The following FBLN5 variants were observed in gnomAD, a reference collection of about 807,000 sequenced individuals.
FBLN5 encodes fibulin 5.
FBLN5 carries 24 observed loss-of-function variants against 61.6 expected under a neutral mutation model. That is an observed-to-expected ratio of 0.39 (90% CI 0.28 to 0.55). FBLN5 has a LOEUF of 0.55. Ranked by LOEUF, FBLN5 falls within the 20% of genes least tolerant of loss-of-function variation. The probability of loss-of-function intolerance (pLI) is 0.65; values close to 1 mark genes in which losing one functional copy is unlikely to be tolerated. For missense variants in FBLN5, 470 were observed against 594.1 expected, an observed-to-expected ratio of 0.79 and a Z score of 2.17; for synonymous variants, 213 against 219.8, an observed-to-expected ratio of 0.97 and a Z score of 0.27.
rs1446228226 is a variant in FBLN5 at position 91,919,267 on chromosome 14, G to A, written c.379+17680C>T. On this transcript the variant is annotated intron_variant, in intron 4 of 10. Coordinates refer to ENST00000342058, the MANE Select transcript of FBLN5 (RefSeq NM_006329.4). ...AATGATGTGAACTTGGGAGGTAGAG[G>A]TTGCAGTCAGCCGAGATCACACCAC... Among the ~76,000 whole-genome samples, 2 of 148,820 alleles carry A rather than the reference G, an allele frequency of 1.3e-5. 1 individual carries two copies. Among genetic ancestry groups the A allele is most frequent in the East Asian group, 4.0e-4 (2 of 5,048 alleles).
Position 91,925,753 on chromosome 14 carries a change from C to T in FBLN5, c.379+11194G>A, listed in dbSNP as rs553218400. On this transcript the variant is annotated intron_variant, in intron 4 of 10. Coordinates refer to ENST00000342058, the MANE Select transcript of FBLN5 (RefSeq NM_006329.4). ...TCACAGGCATCTTTTTCCATTAGCC[C>T]GTCAGTGCTTCTGTACATTAGATTG... Among the ~76,000 whole-genome samples the T allele has an allele frequency of 1.1e-4, 17 of 152,332 alleles. No individual in the cohort carries two copies. The East Asian group carries it at 2.7e-3, about 24-fold the overall frequency.
In FBLN5 at chr14:91,887,187, C is replaced by T. The variant is rs750115548; in HGVS notation, c.739+6G>A. ...GGTGGAAGTTTCCAATGCGAAAGCCCATTACCACTGCAATGAACGCCATCT... is the reference window on the plus strand; with the variant it reads ...GGTGGAAGTTTCCAATGCGAAAGCCTATTACCACTGCAATGAACGCCATCT... On this transcript the variant is annotated splice_donor_region_variant and intron_variant, in intron 7 of 10. Coordinates refer to ENST00000342058, the MANE Select transcript of FBLN5 (RefSeq NM_006329.4). The T allele has an allele frequency of 3.7e-6, 6 of 1,613,914 alleles. No individual in the cohort carries two copies. The highest frequency in any genetic ancestry group is 5.1e-6 in the Non-Finnish European group (6 of 1,179,912).
At chr14:91,885,984 T>C (rs1889708562) in intron 7 of FBLN5, among the ~76,000 whole-genome samples, 1 of 152,234 alleles carries the variant, frequency 6.6e-6, no homozygotes, top group Non-Finnish European at 1.5e-5. Flanking sequence ...TTCCTGCTTG[T>C]GGCTCTGACT....
rs759434738 is a variant in FBLN5 at position 91,937,165 on chromosome 14, C to T, written c.161G>A (p.Arg54Gln). 6.8e-6 allele frequency: 11 copies of T among 1,614,068 alleles called. No homozygotes were observed. The South Asian group carries it at 7.7e-5, about 11-fold the overall frequency. The change falls in exon 4 of 11, where the codon CGA becomes CAA. Residue 54 changes from arginine to glutamine, a missense_variant. By Grantham distance (43) the Arg-to-Gln change is conservative. Transcript: ENST00000342058. Reference protein sequence around the residue: ...DECRTIPEACRGDMMCVNQNG... With the variant: ...DECRTIPEACQGDMMCVNQNG... ...TTGGTTAACACACATCATGTCTCCT[C>T]GGCAGGCCTCGGGGATGGTTCGGCA... is the stretch of plus-strand genomic sequence containing the variant.
chr14:91,894,849 AGCTTACT>A, intron 5 of FBLN5, 94 bp downstream of exon 5: 1 of 1,027,422 alleles, frequency 9.7e-7, no homozygotes, highest in East Asian at 3.7e-5. Context: ...AGCAAAGAAA[AGCTTACT>A]ACCCTCAGGC....
Position 91,937,289 on chromosome 14 carries a change from G to A in FBLN5, c.125-88C>T, listed in dbSNP as rs369796145. On this transcript the variant is annotated intron_variant, in intron 3 of 10. Transcript: ENST00000342058. Reference sequence around the variant, plus strand: ...TTAAGCAGAACTCGGTACCAGGCGTGGAGGAAGCACTCCCAAACACCTAGG... The same window carrying A: ...TTAAGCAGAACTCGGTACCAGGCGTAGAGGAAGCACTCCCAAACACCTAGG... The A allele has an allele frequency of 1.4e-4, 221 of 1,558,886 alleles. 1 individual carries two copies. The African/African-American group carries it at 2.7e-3, about 19-fold the overall frequency.
chr14:91,877,959 A>G (rs1020228298), intron 9 of FBLN5: 3 of 544,350 alleles, frequency 5.5e-6, no homozygotes, highest in African/African-American at 3.8e-5. Flanking sequence ...ACATTAGAAC[A>G]TTCTCCAAGA....
chr14:91,883,890 T>C (rs2430350), intron 7 of FBLN5, among the ~76,000 whole-genome samples: 102,580 of 152,066 alleles, frequency 0.67, 35,022 homozygotes, highest in Admixed American at 0.78. Context: ...TTGATGCAGA[T>C]GCAGAAGCAG....
At chr14:91,923,454 T>C (rs2055774754) in intron 4 of FBLN5, among the ~76,000 whole-genome samples, 1 of 152,186 alleles carries the variant, frequency 6.6e-6, no homozygotes. Flanking sequence ...GTCATAAGTG[T>C]GCAGGTGACC....
chr14:91,875,029 T>C (rs1046639282), intron 10 of FBLN5, among the ~76,000 whole-genome samples: 2 of 152,048 alleles, frequency 1.3e-5, no homozygotes, highest in African/African-American at 4.8e-5. Flanking sequence ...AGGGTCTCAC[T>C]ATGTTGCCCA....
At chr14:91,904,082 T>C (rs1481422052) in intron 4 of FBLN5, among the ~76,000 whole-genome samples, 1 of 152,196 alleles carries the variant, frequency 6.6e-6, no homozygotes, top group Non-Finnish European at 1.5e-5. Flanking sequence ...TCTAGTTTTA[T>C]AGCAGTTCAC....
chr14:91,911,036 T>C (rs1446179560), intron 4 of FBLN5, among the ~76,000 whole-genome samples: 2 of 151,610 alleles, frequency 1.3e-5, no homozygotes, highest in African/African-American at 2.4e-5. Flanking sequence ...CAGGCTGGAG[T>C]GCAGCGGCAC....
At chr14:91,871,811 C>T (rs1039309927) in intron 10 of FBLN5, among the ~76,000 whole-genome samples, 3 of 151,202 alleles carry the variant, frequency 2.0e-5, no homozygotes, top group African/African-American at 4.9e-5. Flanking sequence ...GAATAGAGAT[C>T]GCACCACTAT....
intron 10 of FBLN5, among the ~76,000 whole-genome samples, chr14:91,875,990 C>G (rs555258363): frequency 6.6e-6 from 1 of 152,302 alleles, no homozygotes; most frequent in Non-Finnish European, 1.5e-5. Context: ...GACTGTTTCA[C>G]CCCCACCACC....
At chr14:91,887,069 G>A (rs1187685571) in intron 7 of FBLN5, 124 bp downstream of exon 7, 1 of 1,045,916 alleles carries the variant, frequency 9.6e-7, no homozygotes, top group South Asian at 1.3e-5. Context: ...TGCCCTGGAG[G>A]ATGTCCCAAA....
At chr14:91,920,759 C>A (rs1038899437) in intron 4 of FBLN5, among the ~76,000 whole-genome samples, 7 of 152,194 alleles carry the variant, frequency 4.6e-5, no homozygotes, top group Non-Finnish European at 7.3e-5. Flanking sequence ...CCCACATACT[C>A]CATTGCCTGT....
chr14:91,869,902 C>G lies in FBLN5; in HGVS notation c.*322G>C. ...CACAGTCTTTGAACATAGACTCAGA[C>G]CCCCGCAAACCTAATCTATTTTCTT... On this transcript the variant is annotated 3_prime_UTR_variant, in exon 11 of 11. Coordinates refer to ENST00000342058, the MANE Select transcript of FBLN5 (RefSeq NM_006329.4). 2.7e-6 allele frequency: 1 copy of G among 368,898 alleles called. No homozygotes were observed. The highest frequency in any genetic ancestry group is 2.2e-5 in the South Asian group (1 of 46,244). The allele number at this position is 368,898 out of a possible 1,614,324, so 22.9% of individuals were successfully genotyped here.
At position 91,947,097 on chromosome 14, in the gene FBLN5, C is replaced by G; in HGVS notation, c.17+116G>C. 1 of 1,559,178 alleles carries G rather than the reference C, an allele frequency of 6.4e-7. No individual in the cohort carries two copies. Among genetic ancestry groups the G allele is most frequent in the African/African-American group, 1.4e-5 (1 of 73,744 alleles). ...AATATCATTGCATCACTAGCTCATGCCTTTTCCAATATCCTGACACCGCCT... is the reference window on the plus strand; with the variant it reads ...AATATCATTGCATCACTAGCTCATGGCTTTTCCAATATCCTGACACCGCCT... On this transcript the variant is annotated intron_variant, in intron 1 of 10. Transcript: ENST00000342058. The surrounding 1 kb of genome is among the most constrained non-coding windows in gnomAD (Gnocchi z 4.3).
At chr14:91,888,275 G>A (rs1889821056) in intron 6 of FBLN5, among the ~76,000 whole-genome samples, 1 of 151,122 alleles carries the variant, frequency 6.6e-6, no homozygotes, top group Non-Finnish European at 1.5e-5. Flanking sequence ...CTCCAGCCTG[G>A]GTGACAGAGT....
Sources: allele counts gnomAD v4.1 joint callset (sites outside exome capture counted in the v4.1 genomes callset), GRCh38; gene constraint gnomAD v4.1.1; non-coding constraint Gnocchi (gnomAD v3.1); transcripts MANE v1.5; gene names NCBI Gene and HGNC (gene_info 2026-07-23, HGNC 2026-07-21).